GLYATL1: variants seen among roughly 807,000 people sequenced by gnomAD.
GLYATL1 encodes the protein glycine N-acyltransferase-like protein 1.
GLYATL1 carries 15 observed loss-of-function variants against 20.0 expected under a neutral mutation model. The observed-to-expected ratio is 0.75, with a 90% CI of 0.50 to 1.15. The LOEUF (loss-of-function observed/expected upper bound fraction) is 1.15. Among genes scored for constraint, GLYATL1 ranks in the 50% most tolerant of loss-of-function variants. The pLI is 0.00. For synonymous variants in GLYATL1, 151 were observed against 131.5 expected (o/e 1.15, Z -1.01); for missense variants, 380 against 368.5 (o/e 1.03, Z -0.26).
chr11:58,909,629 G>A (rs1003421093), downstream of GLYATL1, among the ~76,000 whole-genome samples: 4 of 152,162 alleles, frequency 2.6e-5, no homozygotes, highest in African/African-American at 4.8e-5. Context: ...TCATGTACAC[G>A]TGAAAATATA....
intron 1 of GLYATL1, among the ~76,000 whole-genome samples, chr11:58,907,079 G>A (rs1854910108): frequency 2.0e-5 from 3 of 152,228 alleles, no homozygotes; most frequent in Non-Finnish European, 2.9e-5. Flanking sequence ...GGTACAGGGA[G>A]AGGGTTGGAG....
upstream of GLYATL1, among the ~76,000 whole-genome samples, chr11:58,937,358 G>A (rs1415658590): frequency 6.6e-6 from 1 of 152,168 alleles, no homozygotes; most frequent in African/African-American, 2.4e-5. Context: ...CATTGCTGGG[G>A]AACCACAGGT....
At chr11:58,914,105 T>C (rs2135100439) in intron 1 of GLYATL1, among the ~76,000 whole-genome samples, 1 of 152,262 alleles carries the variant, frequency 6.6e-6, no homozygotes, top group South Asian at 2.1e-4. Context: ...TTTGGTTCTG[T>C]TACAATCTGG....
At position 58,929,715 on chromosome 11, in the gene GLYATL1, C is replaced by T. The variant is rs58674567; in HGVS notation, c.-212+1886C>T. On this transcript the variant is annotated intron_variant, in intron 1 of 7. Transcript: ENST00000317391. Reference sequence around the variant, plus strand: ...GTTTCTCAGACCTAGGTAATTTCCTCACATGCATGTGCAGATCACTACTCA... The same window carrying T: ...GTTTCTCAGACCTAGGTAATTTCCTTACATGCATGTGCAGATCACTACTCA... 6.7e-3 allele frequency among the ~76,000 whole-genome samples: 1,027 copies of T among 152,324 alleles called. 10 individuals carry two copies. The highest frequency in any genetic ancestry group is 0.024 in the African/African-American group (983 of 41,560).
chr11:58,943,583 C>A lies in GLYATL1; in HGVS notation c.-126C>A, dbSNP rs978361510. On this transcript the variant is annotated 5_prime_UTR_variant, in exon 2 of 7. Transcript: ENST00000532726. ...GGATCTGAAGTGGAGCTTCTAGTAT[C>A]CCCAGGAGCGCGAAGTGAACACGGA... The A allele has an allele frequency of 1.9e-6, 3 of 1,613,396 alleles. No homozygotes were observed. In the African/African-American group the frequency reaches 4.0e-5, roughly 22 times the overall value.
intron 1 of GLYATL1, among the ~76,000 whole-genome samples, chr11:58,929,499 C>T (rs866482495): frequency 2.0e-5 from 3 of 152,196 alleles, no homozygotes; most frequent in Middle Eastern, 3.4e-3. Context: ...CTGCAGTTTT[C>T]TTTTTTTGTA....
chr11:58,927,543 T>G (rs906824549), upstream of GLYATL1: 3 of 152,274 alleles, frequency 2.0e-5, no homozygotes, highest in African/African-American at 7.2e-5. Flanking sequence ...GACTTTGTTG[T>G]ATGTGCCTCT....
chr11:58,909,270 G>T (rs1220516518), downstream of GLYATL1, among the ~76,000 whole-genome samples: 2 of 152,156 alleles, frequency 1.3e-5, no homozygotes, highest in Non-Finnish European at 2.9e-5. Flanking sequence ...TAGTCAAGGG[G>T]TACAGAGTTT....
intron 1 of GLYATL1, chr11:58,943,284 C>T: frequency 6.5e-7 from 1 of 1,549,042 alleles, no homozygotes; most frequent in Non-Finnish European, 8.7e-7. Flanking sequence ...ACTTCAACTA[C>T]TCATAGACTG....
chr11:58,941,863 C>A (rs1232758619), intron 1 of GLYATL1, among the ~76,000 whole-genome samples: 2 of 152,154 alleles, frequency 1.3e-5, no homozygotes, highest in Non-Finnish European at 2.9e-5. Context: ...AGGAGTTGCA[C>A]AAAGACATGA....
chr11:58,949,674 A>G (rs1031896501), intron 4 of GLYATL1, among the ~76,000 whole-genome samples: 5 of 152,148 alleles, frequency 3.3e-5, no homozygotes, highest in Middle Eastern at 3.4e-3. Context: ...CACCACACAT[A>G]TAAGACCAAA....
chr11:58,908,558 T>C (rs1854965435), exon 2 of GLYATL1: 1 of 201,000 alleles, frequency 5.0e-6, no homozygotes, highest in African/African-American at 2.3e-5. Flanking sequence ...GCATATCTAC[T>C]TTTTTACAAC....
chr11:58,928,090 T>C (rs1368944939), intron 1 of GLYATL1, among the ~76,000 whole-genome samples: 1 of 152,232 alleles, frequency 6.6e-6, no homozygotes, highest in Non-Finnish European at 1.5e-5. Flanking sequence ...CTGGGAACCA[T>C]GGACTTTGGG....
intron 1 of GLYATL1, among the ~76,000 whole-genome samples, chr11:58,920,705 A>T (rs933276389): frequency 6.6e-6 from 1 of 152,190 alleles, no homozygotes; most frequent in African/African-American, 2.4e-5. Flanking sequence ...GGATTCTCAC[A>T]TAGAAGCCCT....
intron 2 of GLYATL1, among the ~76,000 whole-genome samples, chr11:58,946,512 T>A (rs183394232): frequency 6.6e-6 from 1 of 152,320 alleles, no homozygotes; most frequent in Non-Finnish European, 1.5e-5. Flanking sequence ...GTGTTAAAAT[T>A]TTTCTATCTG....
intron 2 of GLYATL1, 48 bp downstream of exon 2, chr11:58,943,714 C>T (rs775233866): frequency 6.2e-7 from 1 of 1,600,220 alleles, no homozygotes; most frequent in Non-Finnish European, 8.5e-7. Context: ...GTGTTTTGAG[C>T]TCTCTGAGTT....
chr11:58,906,442 G>A (rs546923150), intron 1 of GLYATL1, among the ~76,000 whole-genome samples: 4 of 152,238 alleles, frequency 2.6e-5, no homozygotes, highest in African/African-American at 9.6e-5. Context: ...ATCAGGGAAT[G>A]GAACAGGAGA....
At chr11:58,905,747 TGGG>T in intron 1 of GLYATL1, 4 of 5,290 alleles carry the variant, frequency 7.6e-4, no homozygotes, top group South Asian at 3.6e-3. Context: ...ATAGGGAGGG[TGGG>T]CGGGTGGGCG....
intron 3 of GLYATL1, chr11:58,947,536 A>T (rs1216298434): frequency 2.3e-6 from 1 of 442,480 alleles, no homozygotes; most frequent in East Asian, 3.8e-5. Context: ...GATGGGAATA[A>T]CGTTAGCACC....
Sources: allele counts gnomAD v4.1 joint callset (sites outside exome capture counted in the v4.1 genomes callset), GRCh38; gene constraint gnomAD v4.1.1; transcripts MANE v1.5; gene names NCBI Gene and HGNC (gene_info 2026-07-23, HGNC 2026-07-21).